LPP: variants seen among roughly 807,000 people sequenced by gnomAD.
The protein encoded by LPP is lipoma-preferred partner.
Under a neutral mutation model 60.4 loss-of-function variants are expected in LPP, and 38 were observed. The ratio of observed to expected loss-of-function variants is 0.63; its 90% CI spans 0.49 to 0.83. The LOEUF is 0.83. Among genes scored for constraint, LPP ranks in the 40% least tolerant of loss-of-function variants. The pLI, the probability that LPP is intolerant of heterozygous loss-of-function variation, is 0.00. For synonymous variants in LPP, 328 were observed against 290.8 expected (o/e 1.13, Z -1.30); for missense variants, 902 against 783.6 (o/e 1.15, Z -1.80).
intron 2 of LPP, among the ~76,000 whole-genome samples, chr3:188,313,427 G>A (rs2150299682): frequency 6.6e-6 from 1 of 152,172 alleles, no homozygotes; most frequent in Non-Finnish European, 1.5e-5. Flanking sequence ...ATCACTTGAG[G>A]TCAGAAGTTC....
At chr3:188,427,580 A>T (rs1337671831) in intron 4 of LPP, among the ~76,000 whole-genome samples, 1 of 152,134 alleles carries the variant, frequency 6.6e-6, no homozygotes, top group Non-Finnish European at 1.5e-5. Flanking sequence ...GGGTTGGGAA[A>T]GTTCTCCTTT....
chr3:188,199,596 C>A (rs1251670895), intron 1 of LPP, among the ~76,000 whole-genome samples: 1 of 152,146 alleles, frequency 6.6e-6, no homozygotes. Flanking sequence ...TACGCTATAA[C>A]CATGCTTCAT....
At chr3:188,342,677 A>T (rs1451081167) in intron 3 of LPP, among the ~76,000 whole-genome samples, 1 of 152,180 alleles carries the variant, frequency 6.6e-6, no homozygotes, top group Non-Finnish European at 1.5e-5. Flanking sequence ...CCATGACTTC[A>T]GTTGCACAGA....
chr3:188,622,383 C>T (rs1050666138), intron 7 of LPP, among the ~76,000 whole-genome samples: 7 of 152,254 alleles, frequency 4.6e-5, no homozygotes, highest in South Asian at 2.1e-4. Context: ...GGACTTTTTA[C>T]GTAGCACATG....
intron 2 of LPP, among the ~76,000 whole-genome samples, chr3:188,257,598 T>A (rs73888090): frequency 0.084 from 12,830 of 152,294 alleles, 1,088 homozygotes; most frequent in African/African-American, 0.21. Flanking sequence ...ATTGGTTGTC[T>A]ACCTTATCTG....
intron 6 of LPP, among the ~76,000 whole-genome samples, chr3:188,536,377 A>T (rs1823632139): frequency 6.6e-6 from 1 of 152,068 alleles, no homozygotes; most frequent in Admixed American, 6.5e-5. Flanking sequence ...AGCCTCTAAG[A>T]TTCACCTCTT....
intron 8 of LPP, among the ~76,000 whole-genome samples, chr3:188,749,550 A>G (rs930307926): frequency 6.6e-6 from 1 of 152,182 alleles, no homozygotes. Context: ...GAATAGCACC[A>G]TCTTTGGGGC....
chr3:188,586,698 G>A (rs529138040), intron 6 of LPP, among the ~76,000 whole-genome samples: 2 of 151,142 alleles, frequency 1.3e-5, no homozygotes, highest in South Asian at 2.1e-4. Context: ...TCCCCTCCTC[G>A]TAGGTATTTT....
Position 188,217,474 on chromosome 3 carries a change from T to C in LPP, c.-189-7931T>C, listed in dbSNP as rs942955700. ...TGATGGGTTATGTGTTACAGGCATC[T>C]TTCCAGCTGCTGTGGAGGGAACCTG... On this transcript the variant is annotated intron_variant, in intron 1 of 11. Coordinates refer to ENST00000617246, the MANE Select transcript of LPP (RefSeq NM_001375462.1). The surrounding 1 kb of genome is among the most constrained non-coding windows in gnomAD (Gnocchi z 4.0). Among the ~76,000 whole-genome samples the C allele has an allele frequency of 1.3e-5, 2 of 152,174 alleles. No individual in the cohort carries two copies. Among genetic ancestry groups the C allele is most frequent in the Non-Finnish European group, 2.9e-5 (2 of 68,030 alleles).
At chr3:188,810,719 T>C (rs777945725) in intron 9 of LPP, among the ~76,000 whole-genome samples, 7 of 152,110 alleles carry the variant, frequency 4.6e-5, no homozygotes, top group Non-Finnish European at 8.8e-5. Context: ...ACTACGGTAG[T>C]TGGTTGTTCT....
At chr3:188,191,978 G>C (rs567061940) in intron 1 of LPP, among the ~76,000 whole-genome samples, 10 of 152,102 alleles carry the variant, frequency 6.6e-5, no homozygotes, top group African/African-American at 2.4e-4. Context: ...GGGTTCCTAG[G>C]GGGGGATTGG....
intron 9 of LPP, among the ~76,000 whole-genome samples, chr3:188,850,885 A>C (rs775499025): frequency 6.6e-6 from 1 of 152,246 alleles, no homozygotes; most frequent in Admixed American, 6.5e-5. Context: ...GAAATTTCTC[A>C]TAAGGAATGA....
At chr3:188,163,682 C>T (rs1479326751) in intron 1 of LPP, among the ~76,000 whole-genome samples, 1 of 151,706 alleles carries the variant, frequency 6.6e-6, no homozygotes, top group Non-Finnish European at 1.5e-5. Context: ...TGGCTCACGC[C>T]TGTAGTCCCA....
At chr3:188,323,787 AGTGGGC>A (rs1251756287) in intron 2 of LPP, among the ~76,000 whole-genome samples, 1 of 152,240 alleles carries the variant, frequency 6.6e-6, no homozygotes, top group African/African-American at 2.4e-5. Flanking sequence ...GAATGCCCCA[AGTGGGC>A]ATCTTATTCT....
intron 9 of LPP, among the ~76,000 whole-genome samples, chr3:188,810,541 GTTA>G (rs1372719460): frequency 6.6e-6 from 1 of 152,022 alleles, no homozygotes. Context: ...ATTGTTCTAC[GTTA>G]TTATTAGTTA....
chr3:188,826,580 C>T (rs1254122573), intron 9 of LPP, among the ~76,000 whole-genome samples: 8 of 152,128 alleles, frequency 5.3e-5, no homozygotes, highest in Non-Finnish European at 1.2e-4. Flanking sequence ...TTCATCCTCC[C>T]TTAACATTAG....
intron 4 of LPP, among the ~76,000 whole-genome samples, chr3:188,417,850 C>G (rs1036235732): frequency 6.6e-6 from 1 of 152,148 alleles, no homozygotes; most frequent in African/African-American, 2.4e-5. Flanking sequence ...TTTCAGGCAG[C>G]TTTTTTTACC....
At position 188,875,956 on chromosome 3, in the gene LPP, T is replaced by C. The variant is rs1560330496; in HGVS notation, c.*1477T>C. On this transcript the variant is annotated 3_prime_UTR_variant, in exon 12 of 12. Transcript: ENST00000617246. Reference sequence around the variant, plus strand: ...TCTCCCACAAGTATATACTTTTAAATTATGGAGTATTTTAAGTCTACAAAA... The same window carrying C: ...TCTCCCACAAGTATATACTTTTAAACTATGGAGTATTTTAAGTCTACAAAA... The C allele has an allele frequency of 5.5e-6, 1 of 183,108 alleles. No individual in the cohort carries two copies. The highest frequency in any genetic ancestry group is 2.4e-5 in the African/African-American group (1 of 42,490). 11.3% of individuals were successfully genotyped at this position (183,108 alleles called of 1,614,324 possible).
chr3:188,752,168 T>A (rs2150333340), intron 8 of LPP, among the ~76,000 whole-genome samples: 1 of 152,284 alleles, frequency 6.6e-6, no homozygotes, highest in East Asian at 1.9e-4. Flanking sequence ...AGCCAAGTAT[T>A]TAAGGCAGTT....
Sources: allele counts gnomAD v4.1 joint callset (sites outside exome capture counted in the v4.1 genomes callset), GRCh38; gene constraint gnomAD v4.1.1; non-coding constraint Gnocchi (gnomAD v3.1); transcripts MANE v1.5; gene names NCBI Gene and HGNC (gene_info 2026-07-23, HGNC 2026-07-21).